PABPC1L: variants seen among roughly 807,000 people sequenced by gnomAD.
PABPC1L encodes poly(A) binding protein cytoplasmic 1 like, also known as polyadenylate-binding protein 1-like.
PABPC1L carries 31 observed loss-of-function variants against 66.6 expected under a neutral mutation model. That is an observed-to-expected ratio of 0.47 (90% confidence interval 0.35 to 0.63). PABPC1L has a LOEUF of 0.63. Among genes scored for constraint, PABPC1L ranks in the 20% least tolerant of loss-of-function variants. PABPC1L has a pLI of 0.00. For synonymous variants in PABPC1L, 348 were observed against 335.1 expected (o/e 1.04, Z -0.42); for missense variants, 722 against 848.8 (o/e 0.85, Z 1.86).
chr20:44,912,959 G>A, intron 2 of PABPC1L, 106 bp downstream of exon 2: 1 of 1,109,126 alleles, frequency 9.0e-7, no homozygotes, highest in Admixed American at 2.6e-5. Flanking sequence ...GGTCCTTTCA[G>A]TCAAGTTTCA....
intron 6 of PABPC1L, among the ~76,000 whole-genome samples, chr20:44,923,807 C>T (rs981594950): frequency 4.6e-5 from 7 of 152,058 alleles, no homozygotes; most frequent in African/African-American, 1.2e-4. Flanking sequence ...TCCTGCTGCC[C>T]GACATCCACC....
intron 3 of PABPC1L, among the ~76,000 whole-genome samples, chr20:44,917,172 A>G (rs1205453039): frequency 1.3e-5 from 2 of 152,098 alleles, no homozygotes; most frequent in Admixed American, 6.6e-5. Context: ...TCTGTTTTCC[A>G]GCCTTCTCAG....
intron 2 of PABPC1L, among the ~76,000 whole-genome samples, chr20:44,914,393 A>G (rs1289167398): frequency 1.3e-5 from 2 of 152,072 alleles, no homozygotes; most frequent in African/African-American, 4.8e-5. Flanking sequence ...TATTTTTAGT[A>G]GAGACGGGGT....
chr20:44,932,526 C>T, intron 9 of PABPC1L, 94 bp downstream of exon 9: 2 of 1,149,286 alleles, frequency 1.7e-6, no homozygotes, highest in Admixed American at 4.4e-5. Context: ...GGCTCTGCCA[C>T]TTCCCAAGGT....
At chr20:44,937,030 G>A in intron 12 of PABPC1L, 2 of 531,548 alleles carry the variant, frequency 3.8e-6, no homozygotes, top group South Asian at 3.1e-5. Context: ...AGGAGTAGGG[G>A]TATGGTCTTG....
In PABPC1L at chr20:44,930,525, G is replaced by C. The variant is rs758897975; in HGVS notation, c.1038G>C (p.Ala346=). Residue 346 remains alanine, a synonymous_variant, in exon 8 of 15, where the codon GCG becomes GCC. Transcript: ENST00000217073. ...GFVCFSSPEE[A]TKAVTEMNGR... Reference sequence around the variant, plus strand: ...TGTGTTTTTCCTCCCCAGAAGAGGCGACAAAGGCCGTGACAGAGATGAACG... The same window carrying C: ...TGTGTTTTTCCTCCCCAGAAGAGGCCACAAAGGCCGTGACAGAGATGAACG... 3.1e-6 allele frequency: 5 copies of C among 1,614,138 alleles called. No individual in the cohort carries two copies. The African/African-American group carries it at 5.3e-5, about 17-fold the overall frequency.
At chr20:44,912,577 C>T in intron 1 of PABPC1L, 83 bp from the exon 2 acceptor site, 1 of 1,206,496 alleles carries the variant, frequency 8.3e-7, no homozygotes, top group East Asian at 2.5e-5. Context: ...TATTGGCTCC[C>T]AGTTAAGCAC....
intron 8 of PABPC1L, among the ~76,000 whole-genome samples, chr20:44,931,147 G>A (rs573383674): frequency 1.8e-4 from 23 of 124,994 alleles, no homozygotes; most frequent in South Asian, 8.1e-4. Context: ...GAGCAATGGC[G>A]TGATCATGGC....
Position 44,916,880 on chromosome 20 carries a change from C to T in PABPC1L, c.503+9C>T, listed in dbSNP as rs374310937. 1.2e-6 allele frequency: 2 copies of T among 1,613,104 alleles called. No individual in the cohort carries two copies. The highest frequency in any genetic ancestry group is 1.7e-4 in the Middle Eastern group (1 of 6,060). On this transcript the variant is annotated intron_variant, in intron 3 of 14. Transcript: ENST00000217073. ...CTGAATGACCGCAAAGTGTGAGTGG[C>T]TGGGCCCGAGGGAGGGGCGGAGGCT... is the stretch of plus-strand genomic sequence containing the variant.
At chr20:44,938,438 G>A (rs2066918565) in intron 13 of PABPC1L, among the ~76,000 whole-genome samples, 1 of 152,150 alleles carries the variant, frequency 6.6e-6, no homozygotes, top group Non-Finnish European at 1.5e-5. Context: ...GAAGTGTGTT[G>A]TGACTCAGTG....
intron 3 of PABPC1L, among the ~76,000 whole-genome samples, chr20:44,918,187 G>A (rs577097243): frequency 1.3e-5 from 2 of 152,232 alleles, no homozygotes; most frequent in Non-Finnish European, 2.9e-5. Context: ...TTAGCCATGC[G>A]TGGTGGCACA....
At position 44,934,751 on chromosome 20, in the gene PABPC1L, G is replaced by A. The variant is rs561359946; in HGVS notation, c.1460-640G>A. ...CAATGGACACTTTTCTACCCTTTGG[G>A]TATTGTGAATAATGCTGCTGTGAAA... is the stretch of plus-strand genomic sequence containing the variant. On this transcript the variant is annotated intron_variant, in intron 10 of 14. Transcript: ENST00000217073. Among the ~76,000 whole-genome samples the A allele has an allele frequency of 5.9e-5, 9 of 152,222 alleles. No homozygotes were observed. The South Asian group carries it at 1.5e-3, about 25-fold the overall frequency.
Position 44,930,620 on chromosome 20 carries a change from T to G in PABPC1L, c.1133T>G (p.Leu378Trp). Reference sequence around the variant, plus strand: ...CGCAAAGAGGAGCGGAAGGCCATCTTGACCAACCAGTACATGCAGCGCCTC... The same window carrying G: ...CGCAAAGAGGAGCGGAAGGCCATCTGGACCAACCAGTACATGCAGCGCCTC... ...AQRKEERKAI[L>W]TNQYMQRLST... Residue 378 changes from leucine to tryptophan, a missense_variant, in exon 8 of 15, where the codon TTG (leucine) becomes TGG (tryptophan). Transcript: ENST00000217073. 6.2e-7 allele frequency: 1 copy of G among 1,614,248 alleles called. No individual in the cohort carries two copies. The highest frequency in any genetic ancestry group is 8.5e-7 in the Non-Finnish European group (1 of 1,180,048).
At position 44,910,251 on chromosome 20, in the gene PABPC1L, C is replaced by A. The variant is rs1364806398; in HGVS notation, c.108C>A (p.Pro36=). 3 of 1,562,400 alleles carry A rather than the reference C, an allele frequency of 1.9e-6. No homozygotes were observed. The highest frequency in any genetic ancestry group is 2.6e-6 in the Non-Finnish European group (3 of 1,153,592). The change falls in exon 1 of 15, where the codon CCC becomes CCA. Residue 36 remains proline, a synonymous_variant. Transcript: ENST00000217073. ...ATGAGAAGTTCTCTCCCGCCGGCCCCATCCTGTCCATCCGCGTGTGCCGCG... is the reference window on the plus strand; with the variant it reads ...ATGAGAAGTTCTCTCCCGCCGGCCCAATCCTGTCCATCCGCGTGTGCCGCG... ...MLYEKFSPAG[P]ILSIRVCRDV...
chr20:44,922,229 C>G (rs1044532338), intron 6 of PABPC1L, among the ~76,000 whole-genome samples: 1 of 151,952 alleles, frequency 6.6e-6, no homozygotes, highest in East Asian at 1.9e-4. Flanking sequence ...GGAAGTGAAC[C>G]CCTCTAAGAT....
At position 44,933,038 on chromosome 20, in the gene PABPC1L, G is replaced by C; in HGVS notation, c.1331-19G>C. The C allele has an allele frequency of 4.6e-6, 7 of 1,524,274 alleles. No individual in the cohort carries two copies. The highest frequency in any genetic ancestry group is 5.4e-6 in the Non-Finnish European group (6 of 1,119,486). 94.4% of individuals were successfully genotyped at this position (1,524,274 alleles called of 1,614,324 possible). On this transcript the variant is annotated intron_variant, in intron 9 of 14. Coordinates refer to ENST00000217073, the MANE Select transcript of PABPC1L (RefSeq NM_001372179.1). ...CACTCCATCCAACTTTTCTCTCTCT[G>C]TGGTGTCTGCACCACAAGCTGCCTA...
chr20:44,924,107 G>A (rs967438637), intron 6 of PABPC1L, 54 bp from the exon 7 acceptor site: 7 of 1,425,766 alleles, frequency 4.9e-6, no homozygotes, highest in Non-Finnish European at 6.9e-6. Flanking sequence ...TCTCCCCAAG[G>A]CAGTTGGGGC....
At chr20:44,927,994 G>A (rs979690168) in intron 7 of PABPC1L, among the ~76,000 whole-genome samples, 1 of 148,676 alleles carries the variant, frequency 6.7e-6, no homozygotes, top group Non-Finnish European at 1.5e-5. Flanking sequence ...ATTCTTAGGT[G>A]TACAAAAAAA....
intron 7 of PABPC1L, among the ~76,000 whole-genome samples, chr20:44,928,888 A>AAAAAAAGAAAAG (rs2066830458): frequency 6.8e-6 from 1 of 146,462 alleles, no homozygotes; most frequent in African/African-American, 2.6e-5. Context: ...AAAAAAAAGA[A>AAAAAAAGAAAAG]AAAAAAAAAG....
Sources: allele counts gnomAD v4.1 joint callset (sites outside exome capture counted in the v4.1 genomes callset), GRCh38; gene constraint gnomAD v4.1.1; transcripts MANE v1.5; gene names NCBI Gene and HGNC (gene_info 2026-07-23, HGNC 2026-07-21).